Variants in CHEK2 observed in about 807,000 individuals in gnomAD.
CHEK2 encodes the protein checkpoint kinase 2.
CHEK2 carries 71 observed loss-of-function variants against 69.1 expected under a neutral mutation model. The observed-to-expected ratio is 1.03, with a 90% CI of 0.85 to 1.25. The LOEUF (loss-of-function observed/expected upper bound fraction) is 1.25. CHEK2 is among the 50% of genes most tolerant of loss of function. CHEK2 has a pLI of 0.00. For missense variants in CHEK2, 664 were observed against 649.6 expected (o/e 1.02, Z -0.24); for synonymous variants, 189 against 226.9 (o/e 0.83, Z 1.50).
At chr22:28,702,428 CA>C (rs2052912210) in intron 8 of CHEK2, among the ~76,000 whole-genome samples, 1 of 151,018 alleles carries the variant, frequency 6.6e-6, no homozygotes, top group Admixed American at 6.6e-5. Context: ...TTAGTAGAGA[CA>C]GGGTTTCACC....
chr22:28,695,889 A>G lies in CHEK2; in HGVS notation c.1096-16T>C, dbSNP rs1377212608. ...AATCAGTAATCTAAAATTCAGTACA[A>G]AAGGGAATAATGTTGAACTTGCCAT... On this transcript the variant is annotated splice_polypyrimidine_tract_variant and intron_variant, in intron 10 of 14. Coordinates refer to ENST00000404276, the MANE Select transcript of CHEK2 (RefSeq NM_007194.4). 3.1e-6 allele frequency: 5 copies of G among 1,596,842 alleles called. No homozygotes were observed. In the East Asian group the frequency reaches 8.9e-5, roughly 29 times the overall value.
intron 8 of CHEK2, among the ~76,000 whole-genome samples, chr22:28,702,390 C>A (rs1484070726): frequency 6.6e-6 from 1 of 151,434 alleles, no homozygotes; most frequent in Admixed American, 6.6e-5. Context: ...AGGAGCCCAC[C>A]ACCACACCCA....
chr22:28,739,941 G>A (rs978974362), intron 1 of CHEK2, among the ~76,000 whole-genome samples: 4 of 152,094 alleles, frequency 2.6e-5, no homozygotes, highest in Admixed American at 2.0e-4. Context: ...AGTGGCTCAC[G>A]CCTGTAATCT....
chr22:28,690,514 G>T (rs2052319335), intron 13 of CHEK2, among the ~76,000 whole-genome samples: 2 of 151,612 alleles, frequency 1.3e-5, no homozygotes, highest in African/African-American at 4.9e-5. Context: ...TGTAATCCCA[G>T]CTACTCAGGA....
chr22:28,692,854 T>G (rs1167276531), intron 13 of CHEK2, among the ~76,000 whole-genome samples: 1 of 152,174 alleles, frequency 6.6e-6, no homozygotes, highest in Admixed American at 6.5e-5. Context: ...CTCGTGATAG[T>G]GAGTGAGTTC....
Position 28,687,779 on chromosome 22 carries a change from CTG to C in CHEK2, c.*116_*117del. 1.2e-6 allele frequency: 1 copy of C among 823,806 alleles called. No homozygotes were observed. Among genetic ancestry groups the C allele is most frequent in the African/African-American group, 1.7e-5 (1 of 59,394 alleles). The allele number at this position is 823,806 out of a possible 1,614,324, so 51.0% of individuals were successfully genotyped here. A position where few individuals can be genotyped will look rare whatever the true frequency, so the allele number is the denominator to read the frequency against. ...CAGGTTTTTAATTGTACATCAGTGA[CTG>C]TGAAAAAGCAATTATTCCCATAATT... is the stretch of plus-strand genomic sequence containing the variant. On this transcript the variant is annotated 3_prime_UTR_variant, in exon 15 of 15. Coordinates refer to ENST00000404276, the MANE Select transcript of CHEK2 (RefSeq NM_007194.4).
chr22:28,714,971 T>G (rs1300668258), intron 5 of CHEK2, among the ~76,000 whole-genome samples: 1 of 152,134 alleles, frequency 6.6e-6, no homozygotes, highest in Non-Finnish European at 1.5e-5. Context: ...CAACCCCTAC[T>G]CCTAGAAACA....
At chr22:28,688,639 G>A (rs575333671) in intron 14 of CHEK2, among the ~76,000 whole-genome samples, 15 of 151,770 alleles carry the variant, frequency 9.9e-5, no homozygotes, top group African/African-American at 1.2e-4. Flanking sequence ...ACTGCACTCC[G>A]GCCTGAGTGA....
intron 4 of CHEK2, chr22:28,724,481 C>G: frequency 4.5e-6 from 1 of 224,018 alleles, no homozygotes; most frequent in Non-Finnish European, 9.1e-6. Flanking sequence ...ACCTTAAAAC[C>G]TTAAAAATCT....
chr22:28,719,905 A>AATATCCC, intron 4 of CHEK2, among the ~76,000 whole-genome samples: 1 of 152,184 alleles, frequency 6.6e-6, no homozygotes, highest in Non-Finnish European at 1.5e-5. Context: ...TATCCCAATG[A>AATATCCC]AAATTAGGCC....
chr22:28,715,863 C>CTTT (rs112857088), intron 5 of CHEK2, among the ~76,000 whole-genome samples: 1 of 143,280 alleles, frequency 7.0e-6, no homozygotes, highest in Non-Finnish European at 1.5e-5. Context: ...ATTTCTTCTT[C>CTTT]TTTTTTTTTT....
At chr22:28,703,380 C>T in intron 8 of CHEK2, 125 bp downstream of exon 8, 2 of 652,422 alleles carry the variant, frequency 3.1e-6, no homozygotes, top group East Asian at 2.8e-5. Flanking sequence ...ACTTTGTGGG[C>T]CCCACTACTA....
intron 4 of CHEK2, among the ~76,000 whole-genome samples, chr22:28,723,601 G>GAAAAAAAA (rs377197157): frequency 2.0e-5 from 1 of 48,852 alleles, no homozygotes; most frequent in Admixed American, 2.9e-4. Flanking sequence ...CCGTCACAAG[G>GAAAAAAAA]AAAAAAAAAG....
intron 13 of CHEK2, among the ~76,000 whole-genome samples, chr22:28,693,044 C>G (rs572780453): frequency 3.3e-5 from 5 of 152,124 alleles, no homozygotes; most frequent in African/African-American, 1.2e-4. Context: ...GTAAATTACC[C>G]AGTCTTGGGC....
rs1555915295 is a variant in CHEK2, at chr22:28,699,836, A to C, written c.1008+2T>G. ...GTCAAAAGAATTGAGGGCTTCTTTT[A>C]CCTGCACAGCCAAGAGCATCTGGTA... On this transcript the variant is annotated splice_donor_variant, in intron 9 of 14. Coordinates refer to ENST00000404276, the MANE Select transcript of CHEK2 (RefSeq NM_007194.4). LOFTEE classifies it high-confidence loss of function. The C allele has an allele frequency of 1.9e-6, 3 of 1,608,494 alleles. No homozygotes were observed. The highest frequency in any genetic ancestry group is 1.7e-5 in the Admixed American group (1 of 60,008).
At chr22:28,718,151 A>G (rs2053647556) in intron 5 of CHEK2, among the ~76,000 whole-genome samples, 1 of 152,172 alleles carries the variant, frequency 6.6e-6, no homozygotes, top group South Asian at 2.1e-4. Context: ...ACACATCAAA[A>G]ATGCACCTAT....
At chr22:28,692,393 A>G (rs2052399542) in intron 13 of CHEK2, among the ~76,000 whole-genome samples, 1 of 152,242 alleles carries the variant, frequency 6.6e-6, no homozygotes, top group Non-Finnish European at 1.5e-5. Flanking sequence ...GTGGTCTATT[A>G]AATGCTAAAT....
In CHEK2 at chr22:28,734,401, A is replaced by G. The variant is rs587782401; in HGVS notation, c.319+2T>C. The G allele has an allele frequency of 6.2e-7, 1 of 1,613,762 alleles. No individual in the cohort carries two copies. The highest frequency in any genetic ancestry group is 8.5e-7 in the Non-Finnish European group (1 of 1,179,638). ...GTGATACTATACAACAAAGGGTCTT[A>G]CCAAGATTGGCAAATCCATCCTGAA... On this transcript the variant is annotated splice_donor_variant, in intron 2 of 14. Transcript: ENST00000404276. LOFTEE classifies it high-confidence loss of function.
intron 2 of CHEK2, among the ~76,000 whole-genome samples, chr22:28,730,256 G>GA: frequency 7.5e-6 from 1 of 133,578 alleles, no homozygotes; most frequent in African/African-American, 2.9e-5. Flanking sequence ...GAGGAGAGGA[G>GA]GGGAGGGGAG....
Sources: allele counts gnomAD v4.1 joint callset (sites outside exome capture counted in the v4.1 genomes callset), GRCh38; gene constraint gnomAD v4.1.1; transcripts MANE v1.5; gene names NCBI Gene and HGNC (gene_info 2026-07-23, HGNC 2026-07-21).